Variants in FBXO34 observed in about 807,000 individuals in gnomAD.
FBXO34 encodes F-box only protein 34.
Under a neutral mutation model 24.5 loss-of-function variants are expected in FBXO34, and 12 were observed. The ratio of observed to expected loss-of-function variants is 0.49; its 90% CI spans 0.31 to 0.79. The LOEUF is 0.79. Among genes scored for constraint, FBXO34 ranks in the 30% least tolerant of loss-of-function variants. FBXO34 has a pLI of 0.04. For missense variants in FBXO34, 823 were observed against 857.7 expected (o/e 0.96, Z 0.51); for synonymous variants, 320 against 311.9 (o/e 1.03, Z -0.27).
At chr14:55,330,487 G>A (rs547267962) in intron 1 of FBXO34, among the ~76,000 whole-genome samples, 14 of 152,040 alleles carry the variant, frequency 9.2e-5, no homozygotes, top group East Asian at 7.7e-4. Context: ...ATAGCTTTCC[G>A]AAATCTTATG....
At chr14:55,301,785 CA>C (rs1458028509) in intron 1 of FBXO34, among the ~76,000 whole-genome samples, 1 of 152,082 alleles carries the variant, frequency 6.6e-6, no homozygotes, top group African/African-American at 2.4e-5. Flanking sequence ...GTGAGCCAGG[CA>C]GTATTATCTG....
the FBXO34 span, among the ~76,000 whole-genome samples, chr14:55,437,979 G>T: frequency 1.3e-5 from 2 of 152,140 alleles, no homozygotes; most frequent in African/African-American, 4.8e-5. Context: ...ATCCAGCAAC[G>T]GAGAGAATGA....
intron 1 of FBXO34, among the ~76,000 whole-genome samples, chr14:55,284,942 CTTGTT>C (rs1040427674): frequency 6.7e-6 from 1 of 148,478 alleles, no homozygotes; most frequent in Non-Finnish European, 1.5e-5. Context: ...CTGCAGTTGT[CTTGTT>C]TTGTTTTGTG....
chr14:55,406,860 T>C, the FBXO34 span, among the ~76,000 whole-genome samples: 80 of 152,322 alleles, frequency 5.3e-4, no homozygotes, highest in Non-Finnish European at 7.5e-4. Flanking sequence ...TGAATGGTTA[T>C]TTGCTTTATA....
downstream of FBXO34, among the ~76,000 whole-genome samples, chr14:55,363,848 G>A (rs1438520250): frequency 6.6e-6 from 1 of 151,492 alleles, no homozygotes; most frequent in Admixed American, 6.6e-5. Flanking sequence ...CAAAAGATTG[G>A]ACACTCCTGC....
At chr14:55,356,128 G>A (rs773254294), downstream of FBXO34, among the ~76,000 whole-genome samples, 99 of 152,264 alleles carry the variant, frequency 6.5e-4, no homozygotes, top group South Asian at 1.2e-3. Flanking sequence ...TCCAATCACC[G>A]CTTCTAACTT....
At chr14:55,409,594 T>C in the FBXO34 span, among the ~76,000 whole-genome samples, 1 of 150,834 alleles carries the variant, frequency 6.6e-6, no homozygotes, top group Non-Finnish European at 1.5e-5. Flanking sequence ...GCCCTGAAGA[T>C]TTCTGAGAGA....
At chr14:55,326,357 T>C (rs986194918) in intron 1 of FBXO34, among the ~76,000 whole-genome samples, 1 of 152,226 alleles carries the variant, frequency 6.6e-6, no homozygotes, top group Non-Finnish European at 1.5e-5. Context: ...TTTTTTAGAC[T>C]TCGGCCGAGT....
At chr14:55,415,802 G>T in the FBXO34 span, among the ~76,000 whole-genome samples, 1 of 152,088 alleles carries the variant, frequency 6.6e-6, no homozygotes, top group Non-Finnish European at 1.5e-5. Context: ...GGAGGCGGGG[G>T]TTGCAATGAG....
chr14:55,431,237 A>G, the FBXO34 span, among the ~76,000 whole-genome samples: 1 of 152,240 alleles, frequency 6.6e-6, no homozygotes, highest in African/African-American at 2.4e-5. Context: ...AAAACCAAAT[A>G]TATTTGGATA....
At chr14:55,358,772 C>T (rs1351728873) in intron 3 of FBXO34, among the ~76,000 whole-genome samples, 2 of 152,150 alleles carry the variant, frequency 1.3e-5, no homozygotes, top group African/African-American at 4.8e-5. Flanking sequence ...TTAGAATCAA[C>T]TGTGGAGCTT....
intron 1 of FBXO34, among the ~76,000 whole-genome samples, chr14:55,337,975 G>A (rs528576115): frequency 6.6e-6 from 1 of 151,422 alleles, no homozygotes. Flanking sequence ...CTTCCTGTGC[G>A]AACTTAGCAA....
intron 1 of FBXO34, among the ~76,000 whole-genome samples, chr14:55,334,506 G>C (rs1170978952): frequency 7.7e-6 from 1 of 130,254 alleles, no homozygotes; most frequent in Non-Finnish European, 1.6e-5. Context: ...GAGGCATGTA[G>C]TTAGTAGCCA....
Position 55,351,637 on chromosome 14 carries a change from T to G in FBXO34, c.1247T>G (p.Phe416Cys), listed in dbSNP as rs1427420456. ...EMTDELVGLP[F>C]SSHTYSQASE... Reference sequence around the variant, plus strand: ...ACAGATGAACTCGTTGGGTTACCTTTTTCCTCTCATACCTATTCCCAAGCC... The same window carrying G: ...ACAGATGAACTCGTTGGGTTACCTTGTTCCTCTCATACCTATTCCCAAGCC... Residue 416 changes from phenylalanine to cysteine, a missense_variant, in exon 2 of 2, where the codon TTT becomes TGT. Around this residue, in one of 2 missense-constraint regions of FBXO34, gnomAD observed 693 missense variants for 659.1 expected, o/e 1.05. Coordinates refer to ENST00000313833, the MANE Select transcript of FBXO34 (RefSeq NM_017943.4). 1.2e-6 allele frequency: 2 copies of G among 1,614,100 alleles called. No homozygotes were observed. The highest frequency in any genetic ancestry group is 2.7e-5 in the African/African-American group (2 of 74,930).
the FBXO34 span, chr14:55,381,854 G>A: frequency 3.5e-6 from 3 of 866,036 alleles, no homozygotes; most frequent in East Asian, 7.8e-5. Context: ...TGCTGTGAAT[G>A]TACTAAATGC....
chr14:55,391,471 T>TA, the FBXO34 span, among the ~76,000 whole-genome samples: 12,957 of 75,882 alleles, frequency 0.17, 1,790 homozygotes, highest in African/African-American at 0.41. Flanking sequence ...TGAGACTCCA[T>TA]AAAAAAAAAA....
chr14:55,433,309 C>CTCT, the FBXO34 span, among the ~76,000 whole-genome samples: 4 of 119,884 alleles, frequency 3.3e-5, no homozygotes, highest in African/African-American at 1.0e-4. Context: ...TTAGATTTCT[C>CTCT]TTTTTTTTTT....
the FBXO34 span, among the ~76,000 whole-genome samples, chr14:55,412,903 C>A: frequency 5.6e-4 from 86 of 152,294 alleles, no homozygotes; most frequent in African/African-American, 2.0e-3. Context: ...TGATGATTTA[C>A]AGCCAAGAGC....
chr14:55,412,469 G>A, the FBXO34 span, among the ~76,000 whole-genome samples: 1 of 152,114 alleles, frequency 6.6e-6, no homozygotes. Flanking sequence ...AGTTAATCAC[G>A]TGGCTAACGT....
Sources: gnomAD v4.1 joint callset for allele counts (sites outside exome capture counted in the v4.1 genomes callset) on GRCh38, gnomAD v4.1.1 for gene constraint, gnomAD v4.1.1 regional missense constraint, MANE v1.5 for transcripts, NCBI Gene and HGNC (gene_info 2026-07-23, HGNC 2026-07-21) for gene names.